The following PTCHD4 variants were observed in gnomAD, a reference collection of about 807,000 sequenced individuals.
PTCHD4 encodes patched domain containing 4, also known as patched domain-containing protein 4.
Under a neutral mutation model 58.1 loss-of-function variants are expected in PTCHD4, and 33 were observed. The ratio of observed to expected loss-of-function variants is 0.57; its 90% confidence interval spans 0.43 to 0.76. The LOEUF (loss-of-function observed/expected upper bound fraction) is 0.76, where lower values mean the gene tolerates loss of function less well. Ranked by LOEUF, PTCHD4 falls within the 30% of genes least tolerant of loss-of-function variation. The pLI, the probability that PTCHD4 is intolerant of heterozygous loss-of-function variation, is 0.00. For missense variants in PTCHD4, 1,058 were observed against 1,027.1 expected (o/e 1.03, Z -0.41); for synonymous variants, 478 against 409.6 (o/e 1.17, Z -2.02).
chr6:48,088,608 A>C (rs1252610791), intron 1 of PTCHD4, among the ~76,000 whole-genome samples: 2 of 152,206 alleles, frequency 1.3e-5, no homozygotes, highest in Non-Finnish European at 2.9e-5. Flanking sequence ...TAAGTCTGAC[A>C]AATCTTGTAG....
At position 47,866,510 on chromosome 6, in the gene PTCHD4, G is replaced by A. The variant is rs961164184; in HGVS notation, c.*11793C>T. On this transcript the variant is annotated 3_prime_UTR_variant, in exon 5 of 5. Transcript: ENST00000339488. ...TGACCATGGTCTCGTATGGCCACTT[G>A]GTTGTTGGATTTATCTCCATTCTAC... Among the ~76,000 whole-genome samples, 2 of 151,740 alleles carry A rather than the reference G, an allele frequency of 1.3e-5. No individual in the cohort carries two copies. Among genetic ancestry groups the A allele is most frequent in the African/African-American group, 4.8e-5 (2 of 41,356 alleles).
chr6:48,048,848 T>C (rs1025821776), intron 3 of PTCHD4, among the ~76,000 whole-genome samples: 4 of 151,966 alleles, frequency 2.6e-5, no homozygotes, highest in African/African-American at 9.7e-5. Context: ...GTGGAGAATA[T>C]ATTTTAGTGA....
At position 48,104,740 on chromosome 6, in the gene PTCHD4, T is replaced by C. The variant is rs367639881; in HGVS notation, c.-970+6309A>G. ...TGCAGAGACACACATAGGCTAAAAA[T>C]AAAGGAATGGAGTAAGATCTACCAA... On this transcript the variant is annotated intron_variant, in intron 1 of 4. Coordinates refer to ENST00000339488, the MANE Select transcript of PTCHD4 (RefSeq NM_001384253.1). Among the ~76,000 whole-genome samples the C allele has an allele frequency of 4.0e-5, 6 of 151,578 alleles. No homozygotes were observed. The East Asian group carries it at 7.7e-4, about 20-fold the overall frequency.
At chr6:47,913,936 C>T (rs535265564) in intron 4 of PTCHD4, among the ~76,000 whole-genome samples, 3 of 152,114 alleles carry the variant, frequency 2.0e-5, no homozygotes, top group Non-Finnish European at 4.4e-5. Context: ...GATATTAGCA[C>T]ACTCTGTATC....
intron 4 of PTCHD4, among the ~76,000 whole-genome samples, chr6:47,881,234 A>G (rs1764013597): frequency 6.6e-6 from 1 of 152,204 alleles, no homozygotes; most frequent in African/African-American, 2.4e-5. Context: ...CAAAGATGTG[A>G]TAGCTGGGGT....
chr6:47,864,313 T>TACACACAC lies in PTCHD4; in HGVS notation c.*13989_*13990insGTGTGTGT, dbSNP rs1461025806. Among the ~76,000 whole-genome samples, 14 of 70,884 alleles carry TACACACAC rather than the reference T, an allele frequency of 2.0e-4. No homozygotes were observed. The highest frequency in any genetic ancestry group is 5.2e-4 in the African/African-American group (12 of 23,186). The allele number at this position is 70,884 out of a possible 152,430, so 46.5% of individuals were successfully genotyped here. A position where few individuals can be genotyped will look rare whatever the true frequency, so the allele number is the denominator to read the frequency against. ...GAGCCCATTATTTTTGAGATATATA[T>TACACACAC]ATACACACACACACACATATATATA... On this transcript the variant is annotated 3_prime_UTR_variant, in exon 5 of 5. Transcript: ENST00000339488.
Position 48,008,715 on chromosome 6 carries a change from T to C in PTCHD4, c.817A>G (p.Ile273Val). The C allele has an allele frequency of 6.2e-7, 1 of 1,613,868 alleles. No homozygotes were observed. The highest frequency in any genetic ancestry group is 8.5e-7 in the Non-Finnish European group (1 of 1,179,862). ...AAGAAGATCCCTGCTGCTGTGATGA[T>C]GGAGATGCATACTGTGAGCACCCCC... ...LLGVLTVCIS[I>V]ITAAGIFFIT... Residue 273 changes from isoleucine (I) to valine (V), a missense_variant, in exon 4 of 5, where the codon ATC (isoleucine) becomes GTC (valine). Physicochemically the swap from Ile to Val is conservative, Grantham distance 29. Coordinates refer to ENST00000339488, the MANE Select transcript of PTCHD4 (RefSeq NM_001384253.1).
intron 3 of PTCHD4, among the ~76,000 whole-genome samples, chr6:48,021,757 A>G (rs974755385): frequency 2.0e-5 from 3 of 151,996 alleles, no homozygotes; most frequent in Non-Finnish European, 2.9e-5. Context: ...TCTAATTTCT[A>G]TTTTGCTTTG....
chr6:47,917,615 C>T (rs1765301714), intron 4 of PTCHD4, among the ~76,000 whole-genome samples: 1 of 152,072 alleles, frequency 6.6e-6, no homozygotes, highest in Non-Finnish European at 1.5e-5. Flanking sequence ...TTATAAATTT[C>T]CTCAAACTCA....
intron 4 of PTCHD4, among the ~76,000 whole-genome samples, chr6:47,905,043 TCACACACACACACACACACA>T (rs70999653): frequency 2.3e-5 from 3 of 131,566 alleles, no homozygotes; most frequent in Non-Finnish European, 3.2e-5. Context: ...AATACAGCCA[TCACACACACACACACACACA>T]CACACACACA....
At chr6:47,962,645 C>T (rs978028217) in intron 4 of PTCHD4, among the ~76,000 whole-genome samples, 6 of 152,152 alleles carry the variant, frequency 3.9e-5, no homozygotes, top group African/African-American at 1.4e-4. Flanking sequence ...TTCCCCTTGG[C>T]CTTCCGCCAT....
At chr6:47,896,823 C>T (rs1162960582) in intron 4 of PTCHD4, among the ~76,000 whole-genome samples, 1 of 152,104 alleles carries the variant, frequency 6.6e-6, no homozygotes, top group African/African-American at 2.4e-5. Context: ...GAAATGGAGG[C>T]TTGGAAGAAT....
chr6:48,053,127 G>A (rs1195455662), intron 3 of PTCHD4, among the ~76,000 whole-genome samples: 2 of 152,084 alleles, frequency 1.3e-5, no homozygotes, highest in Non-Finnish European at 2.9e-5. Context: ...ATGAATGAAT[G>A]AGAGATCTCA....
At chr6:48,091,570 C>A (rs551781408) in intron 1 of PTCHD4, among the ~76,000 whole-genome samples, 1 of 152,264 alleles carries the variant, frequency 6.6e-6, no homozygotes, top group East Asian at 1.9e-4. Flanking sequence ...TCTATTGAAG[C>A]AGATATTATA....
chr6:48,020,844 A>C (rs1763042522), intron 3 of PTCHD4, among the ~76,000 whole-genome samples: 1 of 152,064 alleles, frequency 6.6e-6, no homozygotes, highest in Admixed American at 6.5e-5. Flanking sequence ...AGGGAAATAC[A>C]TTGGCTTGTT....
intron 4 of PTCHD4, among the ~76,000 whole-genome samples, chr6:47,964,662 G>A (rs1234859681): frequency 6.6e-6 from 1 of 152,024 alleles, no homozygotes; most frequent in East Asian, 1.9e-4. Flanking sequence ...TGCACCAGTT[G>A]TCTAAGTGTT....
intron 1 of PTCHD4, among the ~76,000 whole-genome samples, chr6:48,072,342 T>TAC (rs774640037): frequency 6.6e-6 from 1 of 152,346 alleles, no homozygotes; most frequent in Non-Finnish European, 1.5e-5. Context: ...AATTTGAAAA[T>TAC]ACTTTCTTGC....
intron 3 of PTCHD4, among the ~76,000 whole-genome samples, chr6:48,047,856 G>A (rs1447304480): frequency 1.3e-5 from 2 of 151,772 alleles, no homozygotes; most frequent in African/African-American, 2.4e-5. Context: ...ACAACTGTGC[G>A]AAATAAATCT....
intron 3 of PTCHD4, among the ~76,000 whole-genome samples, chr6:48,011,890 C>T (rs536958279): frequency 1.8e-4 from 27 of 151,970 alleles, no homozygotes; most frequent in East Asian, 5.8e-4. Flanking sequence ...TGTAGATGTG[C>T]GCCATTATTT....
Sources: allele counts gnomAD v4.1 joint callset (sites outside exome capture counted in the v4.1 genomes callset), GRCh38; gene constraint gnomAD v4.1.1; transcripts MANE v1.5; gene names NCBI Gene and HGNC (gene_info 2026-07-23, HGNC 2026-07-21).